ARHGEF12: variants seen among roughly 807,000 people sequenced by gnomAD.
ARHGEF12 encodes the protein KMT2A/ARHGEF12 fusion protein.
Under a neutral mutation model 211.2 loss-of-function variants are expected in ARHGEF12, and 66 were observed. The observed-to-expected ratio is 0.31, with a 90% confidence interval of 0.26 to 0.38. The LOEUF is 0.38. Ranked by LOEUF, ARHGEF12 falls within the 10% of genes least tolerant of loss-of-function variation. ARHGEF12 has a pLI of 1.00. For missense variants in ARHGEF12, 1,429 were observed against 1,869.5 expected (o/e 0.76, Z 4.34); for synonymous variants, 592 against 638.4 (o/e 0.93, Z 1.09).
At chr11:120,483,954 C>A (rs1036489956) in intron 39 of ARHGEF12, among the ~76,000 whole-genome samples, 2 of 151,972 alleles carry the variant, frequency 1.3e-5, no homozygotes, top group African/African-American at 4.8e-5. Flanking sequence ...AGGATTTCAC[C>A]ATGTTGGCCA....
At chr11:120,343,554 A>G (rs1942600915) in intron 1 of ARHGEF12, among the ~76,000 whole-genome samples, 3 of 152,220 alleles carry the variant, frequency 2.0e-5, no homozygotes, top group African/African-American at 7.2e-5. Flanking sequence ...AGCATGCACC[A>G]ATGCAGTTTA....
chr11:120,404,647 T>A (rs544803606), intron 1 of ARHGEF12, among the ~76,000 whole-genome samples: 1 of 152,292 alleles, frequency 6.6e-6, no homozygotes, highest in African/African-American at 2.4e-5. Context: ...ACTTCCGGGA[T>A]TCTTTACCAG....
intron 30 of ARHGEF12, among the ~76,000 whole-genome samples, chr11:120,470,436 A>G (rs1389620545): frequency 1.2e-4 from 19 of 152,226 alleles, no homozygotes; most frequent in Non-Finnish European, 4.4e-5. Context: ...TTGGATGGAC[A>G]GGATGAGTGG....
chr11:120,477,336 T>A, intron 35 of ARHGEF12, 31 bp downstream of exon 35: 1 of 1,610,964 alleles, frequency 6.2e-7, no homozygotes, highest in Non-Finnish European at 8.5e-7. Flanking sequence ...TAGTAGGACT[T>A]ATTTTATGTT....
At chr11:120,484,673 T>A (rs562083776) in intron 40 of ARHGEF12, among the ~76,000 whole-genome samples, 166 bp downstream of exon 40, 1 of 152,364 alleles carries the variant, frequency 6.6e-6, no homozygotes, top group Admixed American at 6.5e-5. Flanking sequence ...TCATGCCTGC[T>A]GACTCTACTC....
Position 120,447,881 on chromosome 11 carries a change from G to A in ARHGEF12, c.1597G>A (p.Ala533Thr). ...TTTTTTCTTTTTTTTAAGGATGACT[G>A]CTCAGGCTGTAGAGGAAGATAAGAG... Reference protein sequence around the residue: ...VAKIEEVLMTAQAVEEDKSST... With the variant: ...VAKIEEVLMTTQAVEEDKSST... The change falls in exon 19 of 41, where the codon GCT becomes ACT. Residue 533 changes from alanine (A) to threonine (T), a missense_variant. Coordinates refer to ENST00000397843, the MANE Select transcript of ARHGEF12 (RefSeq NM_015313.3). The A allele has an allele frequency of 2.6e-6, 4 of 1,562,650 alleles. No homozygotes were observed. Among genetic ancestry groups the A allele is most frequent in the South Asian group, 1.2e-5 (1 of 82,478 alleles).
chr11:120,476,965 C>T, intron 34 of ARHGEF12: 1 of 583,178 alleles, frequency 1.7e-6, no homozygotes, highest in Non-Finnish European at 2.9e-6. Flanking sequence ...AAAAATTGTG[C>T]AAAATGTCAA....
intron 12 of ARHGEF12, among the ~76,000 whole-genome samples, chr11:120,437,746 A>T (rs1246810669): frequency 6.6e-6 from 1 of 152,054 alleles, no homozygotes; most frequent in African/African-American, 2.4e-5. Context: ...CCTTCCCCCT[A>T]GCCCCTGGCA....
chr11:120,470,019 T>C (rs1946823301), intron 30 of ARHGEF12, among the ~76,000 whole-genome samples: 1 of 152,152 alleles, frequency 6.6e-6, no homozygotes, highest in South Asian at 2.1e-4. Context: ...GTTGGAAGAA[T>C]TGAAAATTTA....
chr11:120,433,652 C>A (rs180920962), intron 11 of ARHGEF12, among the ~76,000 whole-genome samples: 1 of 152,128 alleles, frequency 6.6e-6, no homozygotes, highest in African/African-American at 2.4e-5. Context: ...AGAAATATAA[C>A]CTTATAAAAG....
At chr11:120,413,849 A>C (rs1268599550) in intron 4 of ARHGEF12, among the ~76,000 whole-genome samples, 1 of 152,242 alleles carries the variant, frequency 6.6e-6, no homozygotes, top group East Asian at 1.9e-4. Context: ...AAGAAAGACT[A>C]ATGTGCTTTC....
chr11:120,411,035 T>C (rs914394082), intron 4 of ARHGEF12: 7 of 152,184 alleles, frequency 4.6e-5, no homozygotes, highest in Admixed American at 6.5e-5. Flanking sequence ...ACTAACAATT[T>C]AGGAACCTCT....
intron 21 of ARHGEF12, 107 bp from the exon 22 acceptor site, chr11:120,451,405 C>T: frequency 1.0e-6 from 1 of 966,404 alleles, no homozygotes; most frequent in Non-Finnish European, 1.6e-6. Flanking sequence ...TCTCGATCTC[C>T]TGACCTCATG....
At chr11:120,446,124 G>A (rs1013607144) in intron 16 of ARHGEF12, among the ~76,000 whole-genome samples, 1 of 151,636 alleles carries the variant, frequency 6.6e-6, no homozygotes, top group Admixed American at 6.6e-5. Flanking sequence ...CATGAACCCC[G>A]GAGGTGGAGC....
At chr11:120,393,476 A>T (rs1218041762) in intron 1 of ARHGEF12, among the ~76,000 whole-genome samples, 1 of 152,188 alleles carries the variant, frequency 6.6e-6, no homozygotes, top group African/African-American at 2.4e-5. Flanking sequence ...AAGTAAAAGG[A>T]TGGAAGAAGA....
At chr11:120,472,485 A>G (rs1174356826) in intron 30 of ARHGEF12, among the ~76,000 whole-genome samples, 2 of 152,156 alleles carry the variant, frequency 1.3e-5, no homozygotes, top group African/African-American at 4.8e-5. Context: ...CATGATTTAC[A>G]TATTCAGAAA....
intron 1 of ARHGEF12, among the ~76,000 whole-genome samples, chr11:120,402,220 T>C (rs1266390825): frequency 6.6e-6 from 1 of 152,180 alleles, no homozygotes; most frequent in Admixed American, 6.5e-5. Context: ...TTTATAGCAA[T>C]CAATAATACT....
At chr11:120,366,951 G>C (rs1011785697) in intron 1 of ARHGEF12, among the ~76,000 whole-genome samples, 17 of 152,120 alleles carry the variant, frequency 1.1e-4, no homozygotes, top group Admixed American at 3.3e-4. Context: ...GAGAGGCGGA[G>C]GTTGCAGTGA....
At chr11:120,446,332 A>G (rs763239167) in intron 16 of ARHGEF12, 71 bp from the exon 17 acceptor site, 3 of 1,160,010 alleles carry the variant, frequency 2.6e-6, no homozygotes, top group African/African-American at 3.1e-5. Flanking sequence ...ACGAAGTAGC[A>G]TTGCTATGTT....
Sources: allele counts gnomAD v4.1 joint callset (sites outside exome capture counted in the v4.1 genomes callset), GRCh38; gene constraint gnomAD v4.1.1; transcripts MANE v1.5; gene names NCBI Gene and HGNC (gene_info 2026-07-23, HGNC 2026-07-21).